ASTN2: variants seen among roughly 807,000 people sequenced by gnomAD.
ASTN2 encodes astrotactin-2.
A neutral mutation model predicts 139.8 loss-of-function variants in ASTN2; 54 were observed. That is an observed-to-expected ratio of 0.39 (90% CI 0.31 to 0.48). The LOEUF is 0.48. ASTN2 is among the 20% of genes least tolerant of loss of function. ASTN2 has a pLI of 0.95. For missense variants in ASTN2, 1,565 were observed against 1,725.1 expected (o/e 0.91, Z 1.64); for synonymous variants, 756 against 719.5 (o/e 1.05, Z -0.81).
chr9:117,237,996 T>G (rs1395555066), intron 2 of ASTN2, among the ~76,000 whole-genome samples: 1 of 152,194 alleles, frequency 6.6e-6, no homozygotes, highest in Non-Finnish European at 1.5e-5. Context: ...AGGCTGACAC[T>G]GGGGCTGCCA....
intron 3 of ASTN2, among the ~76,000 whole-genome samples, chr9:117,145,565 C>T (rs1830175471): frequency 6.6e-6 from 1 of 152,192 alleles, no homozygotes; most frequent in African/African-American, 2.4e-5. Context: ...GCTTTCTGCC[C>T]AGTGTCCCTT....
intron 19 of ASTN2, among the ~76,000 whole-genome samples, chr9:116,576,497 A>C (rs1853726358): frequency 6.6e-6 from 1 of 152,184 alleles, no homozygotes; most frequent in African/African-American, 2.4e-5. Context: ...GGTGGCCCCC[A>C]TGGGAGGCCA....
chr9:117,400,149 A>T (rs1830785048), intron 1 of ASTN2, among the ~76,000 whole-genome samples: 1 of 152,156 alleles, frequency 6.6e-6, no homozygotes, highest in Non-Finnish European at 1.5e-5. Flanking sequence ...TTACAATATT[A>T]ATCTTCCCTG....
At chr9:116,689,381 G>A (rs1263330165) in intron 16 of ASTN2, among the ~76,000 whole-genome samples, 1 of 152,194 alleles carries the variant, frequency 6.6e-6, no homozygotes, top group African/African-American at 2.4e-5. Flanking sequence ...GCATGCCTAG[G>A]ATCTGGCACA....
At chr9:116,949,837 C>A (rs569766163) in intron 10 of ASTN2, among the ~76,000 whole-genome samples, 59 of 152,230 alleles carry the variant, frequency 3.9e-4, no homozygotes, top group African/African-American at 1.4e-3. Context: ...GAGAAGGCTA[C>A]GTGACTTTAA....
At chr9:117,143,038 G>A (rs1192808148) in intron 3 of ASTN2, among the ~76,000 whole-genome samples, 1 of 152,204 alleles carries the variant, frequency 6.6e-6, no homozygotes, top group Non-Finnish European at 1.5e-5. Context: ...TGTTTTCTCA[G>A]GGAAGCTTAT....
At chr9:116,442,705 A>G in intron 20 of ASTN2, 152 bp from the exon 21 acceptor site, 1 of 670,892 alleles carries the variant, frequency 1.5e-6, no homozygotes, top group East Asian at 2.7e-5. Flanking sequence ...ATTGAGCACT[A>G]ACTGCCTACT....
intron 20 of ASTN2, among the ~76,000 whole-genome samples, chr9:116,451,386 T>G (rs961509355): frequency 6.6e-6 from 1 of 152,090 alleles, no homozygotes; most frequent in Non-Finnish European, 1.5e-5. Flanking sequence ...CCACTCTGTG[T>G]GCTTTGCCAT....
intron 5 of ASTN2, among the ~76,000 whole-genome samples, chr9:117,042,008 C>G (rs1838590833): frequency 6.6e-6 from 1 of 152,176 alleles, no homozygotes; most frequent in Non-Finnish European, 1.5e-5. Context: ...CAAGCAGCGT[C>G]TTTTGCTTAC....
At chr9:116,815,816 A>AAAAAAAAAAAAAAAAAAC (rs1564283204) in intron 12 of ASTN2, among the ~76,000 whole-genome samples, 3 of 140,982 alleles carry the variant, frequency 2.1e-5, no homozygotes, top group Admixed American at 6.9e-5. Flanking sequence ...AAAAAAAAAA[A>AAAAAAAAAAAAAAAAAAC]AAAAAAAAAA....
chr9:116,811,832 T>C (rs1831175321), intron 12 of ASTN2, among the ~76,000 whole-genome samples: 1 of 152,186 alleles, frequency 6.6e-6, no homozygotes, highest in African/African-American at 2.4e-5. Flanking sequence ...GAAGTATAAA[T>C]TTATTTCTAT....
chr9:117,197,887 A>G (rs1326371300), intron 3 of ASTN2, among the ~76,000 whole-genome samples: 1 of 152,178 alleles, frequency 6.6e-6, no homozygotes, highest in Non-Finnish European at 1.5e-5. Context: ...TTAATGATGT[A>G]ATTCCATTGT....
At chr9:116,612,762 A>G (rs374109251) in intron 19 of ASTN2, 1 of 152,178 alleles carries the variant, frequency 6.6e-6, no homozygotes, top group African/African-American at 2.4e-5. Flanking sequence ...CCACAGGAGA[A>G]AGCAAGAAAG....
At chr9:116,636,373 C>T (rs922121079) in intron 17 of ASTN2, among the ~76,000 whole-genome samples, 1 of 152,178 alleles carries the variant, frequency 6.6e-6, no homozygotes, top group Non-Finnish European at 1.5e-5. Context: ...ACATACCATA[C>T]ATTAAGATGT....
intron 16 of ASTN2, among the ~76,000 whole-genome samples, chr9:116,656,911 T>C (rs969516804): frequency 1.3e-5 from 2 of 152,124 alleles, no homozygotes; most frequent in African/African-American, 2.4e-5. Context: ...GCTTTGGCAA[T>C]AGGTTTGCAC....
At chr9:116,632,205 A>AAAAGAAAGAAAGAAAGAAAGAAAAGAAAG (rs1856816033) in intron 17 of ASTN2, among the ~76,000 whole-genome samples, 1 of 45,302 alleles carries the variant, frequency 2.2e-5, no homozygotes. Context: ...AGAAAGAAAG[A>AAAAGAAAGAAAGAAAGAAAGAAAAGAAAG]AAAGAAAGAA....
rs1847258657 is a variant in ASTN2 at position 116,424,691 on chromosome 9, C to T, written c.*1160G>A. 6.6e-6 allele frequency among the ~76,000 whole-genome samples: 1 copy of T among 151,750 alleles called. No individual in the cohort carries two copies. The highest frequency in any genetic ancestry group is 2.1e-4 in the South Asian group (1 of 4,806). On this transcript the variant is annotated 3_prime_UTR_variant, in exon 23 of 23. Coordinates refer to ENST00000313400, the MANE Select transcript of ASTN2 (RefSeq NM_001365068.1). ...CTCCCAGGTTCAAGCAATTCTCATG[C>T]CTCAGCCTCCCAAGTAGCTGGGATT...
chr9:116,706,599 C>T (rs771386841), intron 16 of ASTN2, among the ~76,000 whole-genome samples: 6 of 152,048 alleles, frequency 3.9e-5, no homozygotes, highest in Admixed American at 2.0e-4. Flanking sequence ...AATGTAACAT[C>T]AGTCCTAACA....
Position 116,651,628 on chromosome 9 carries a change from C to A in ASTN2, c.2972G>T (p.Arg991Leu). ...GCTCAGCTGCTCCTTGCCTGGCCGG[C>A]GGCAAAGGTGACAGGTAGATGGACA... The part of the protein sequence containing the change: ...GRCPSTCHLC[R>L]RPGKEQLSPT... The change falls in exon 17 of 23, where the codon CGC becomes CTC. Residue 991 changes from arginine to leucine, a missense_variant. By Grantham distance (102) the Arg-to-Leu change is moderately radical. Around this residue, in one of 4 missense-constraint regions of ASTN2, gnomAD observed 418 missense variants for 465.8 expected, o/e 0.90. Coordinates refer to ENST00000313400, the MANE Select transcript of ASTN2 (RefSeq NM_001365068.1). The A allele has an allele frequency of 4.3e-6, 7 of 1,614,122 alleles. No homozygotes were observed. The highest frequency in any genetic ancestry group is 5.9e-6 in the Non-Finnish European group (7 of 1,180,026).
Sources: allele counts gnomAD v4.1 joint callset (sites outside exome capture counted in the v4.1 genomes callset), GRCh38; gene constraint gnomAD v4.1.1; regional missense constraint gnomAD v4.1.1; transcripts MANE v1.5; gene names NCBI Gene and HGNC (gene_info 2026-07-23, HGNC 2026-07-21).